VPS13B: variants seen among roughly 807,000 people sequenced by gnomAD.
VPS13B encodes the protein vacuolar protein sorting 13 homolog B, also known as intermembrane lipid transfer protein VPS13B.
VPS13B carries 285 observed loss-of-function variants against 426.4 expected under a neutral mutation model. The ratio of observed to expected loss-of-function variants is 0.67; its 90% CI spans 0.61 to 0.74. The LOEUF (loss-of-function observed/expected upper bound fraction) is 0.74. Among genes scored for constraint, VPS13B ranks in the 30% least tolerant of loss-of-function variants. The pLI is 0.00. For missense variants in VPS13B, 4,537 were observed against 4,782.6 expected (o/e 0.95, Z 1.51); for synonymous variants, 1,676 against 1,676.4 (o/e 1.00, Z 0.01).
chr8:99,041,578 G>C (rs1842965432), intron 3 of VPS13B, among the ~76,000 whole-genome samples: 1 of 152,180 alleles, frequency 6.6e-6, no homozygotes, highest in Non-Finnish European at 1.5e-5. Context: ...TCTTGGCTGG[G>C]CATGGTGGCT....
chr8:99,461,190 A>G (rs1818812582), intron 23 of VPS13B, among the ~76,000 whole-genome samples: 1 of 151,986 alleles, frequency 6.6e-6, no homozygotes, highest in Non-Finnish European at 1.5e-5. Context: ...CCTGGAAATG[A>G]TTGCATTTCA....
intron 19 of VPS13B, among the ~76,000 whole-genome samples, chr8:99,344,730 T>C (rs1811443771): frequency 6.6e-6 from 1 of 151,234 alleles, no homozygotes; most frequent in Admixed American, 6.6e-5. Context: ...TTTTTCCAGT[T>C]AGTTTTTTTC....
chr8:99,192,858 T>A lies in VPS13B; in HGVS notation c.2334-18T>A. ...ATGCTATTTACTGTATTGCGATTCT[T>A]TCTGTTTTCTTGTGCAGGACCAAAA... On this transcript the variant is annotated intron_variant, in intron 16 of 61. Transcript: ENST00000357162. The A allele has an allele frequency of 1.2e-6, 2 of 1,611,820 alleles. No individual in the cohort carries two copies. Among genetic ancestry groups the A allele is most frequent in the Non-Finnish European group, 1.7e-6 (2 of 1,179,588 alleles).
At chr8:99,677,647 A>G (rs994364499) in intron 35 of VPS13B, among the ~76,000 whole-genome samples, 3 of 152,198 alleles carry the variant, frequency 2.0e-5, no homozygotes, top group Admixed American at 6.5e-5. Context: ...TAGACCTCAA[A>G]GAGTCATAGA....
At chr8:99,351,908 C>T (rs1188653037) in intron 19 of VPS13B, among the ~76,000 whole-genome samples, 1 of 151,782 alleles carries the variant, frequency 6.6e-6, no homozygotes, top group East Asian at 1.9e-4. Flanking sequence ...TCTTAATATC[C>T]AGAAGGGAAA....
chr8:99,646,823 C>T (rs1183397236), intron 34 of VPS13B, among the ~76,000 whole-genome samples: 2 of 152,066 alleles, frequency 1.3e-5, no homozygotes, highest in East Asian at 3.9e-4. Flanking sequence ...CTACCTTGCT[C>T]CCTCTCTCCC....
intron 21 of VPS13B, among the ~76,000 whole-genome samples, chr8:99,411,450 T>C (rs891724088): frequency 6.6e-6 from 1 of 152,228 alleles, no homozygotes; most frequent in Non-Finnish European, 1.5e-5. Flanking sequence ...TCTTTGTAAA[T>C]TCTGGATATT....
Position 99,779,048 on chromosome 8 carries a change from A to G in VPS13B, c.7779+17A>G. On this transcript the variant is annotated intron_variant, in intron 42 of 61. Transcript: ENST00000357162. The stretch of plus-strand genomic sequence containing the variant: ...TGGCAACAGGTATGCACATTCCATA[A>G]CAGTTTACAGTTTGGCCACATATGA... 6.2e-7 allele frequency: 1 copy of G among 1,605,300 alleles called. No individual in the cohort carries two copies. The highest frequency in any genetic ancestry group is 2.2e-5 in the East Asian group (1 of 44,742).
At chr8:99,201,729 G>A (rs1814338226) in intron 17 of VPS13B, among the ~76,000 whole-genome samples, 1 of 152,138 alleles carries the variant, frequency 6.6e-6, no homozygotes, top group African/African-American at 2.4e-5. Flanking sequence ...ATTTGATTTT[G>A]TGCATTGAAT....
At chr8:99,670,534 C>T (rs1471628801) in intron 35 of VPS13B, among the ~76,000 whole-genome samples, 1 of 151,924 alleles carries the variant, frequency 6.6e-6, no homozygotes, top group African/African-American at 2.4e-5. Flanking sequence ...GTATATAATA[C>T]AGTAGTATTT....
intron 43 of VPS13B, 103 bp downstream of exon 43, chr8:99,784,579 A>G: frequency 9.5e-6 from 14 of 1,476,520 alleles, no homozygotes; most frequent in Non-Finnish European, 1.2e-5. Flanking sequence ...AAGTCTCCGA[A>G]GGAACCACAC....
chr8:99,484,885 CTTAGT>C (rs1040078296), intron 25 of VPS13B, among the ~76,000 whole-genome samples: 7 of 150,754 alleles, frequency 4.6e-5, no homozygotes, highest in Non-Finnish European at 1.0e-4. Flanking sequence ...TTGTAAAATA[CTTAGT>C]TTAGTGAGTA....
At chr8:99,554,746 T>C (rs1824463793) in intron 30 of VPS13B, among the ~76,000 whole-genome samples, 1 of 151,932 alleles carries the variant, frequency 6.6e-6, no homozygotes, top group Non-Finnish European at 1.5e-5. Flanking sequence ...ATTAACAAAA[T>C]TACACCAATA....
At chr8:99,216,568 G>A (rs913580951) in intron 17 of VPS13B, among the ~76,000 whole-genome samples, 22 of 151,594 alleles carry the variant, frequency 1.5e-4, no homozygotes, top group African/African-American at 5.3e-4. Flanking sequence ...GAAAAGGAGG[G>A]AAAGAGATTA....
intron 36 of VPS13B, among the ~76,000 whole-genome samples, chr8:99,704,025 G>A (rs891347705): frequency 6.6e-6 from 1 of 152,216 alleles, no homozygotes; most frequent in East Asian, 1.9e-4. Flanking sequence ...ATCTTGGTTG[G>A]CATTTTAGTC....
chr8:99,866,339 T>C (rs1216616864), intron 58 of VPS13B, among the ~76,000 whole-genome samples: 1 of 152,208 alleles, frequency 6.6e-6, no homozygotes, highest in East Asian at 1.9e-4. Flanking sequence ...TCTCTTAGCC[T>C]CTCTGTTCTC....
chr8:99,854,048 C>G lies in VPS13B; in HGVS notation c.10659C>G (p.Ala3553=). The change falls in exon 56 of 62, where the codon GCC becomes GCG. Residue 3553 remains alanine, a synonymous_variant. Transcript: ENST00000357162. ...TGCAGGTCACACAGCACGCCAGGGC[C>G]TTGGTGAATCCTGTGAAGTTACGGA... ...LPMQVTQHAR[A]LVNPVKLRKL... The G allele has an allele frequency of 1.9e-6, 3 of 1,614,054 alleles. No homozygotes were observed. The highest frequency in any genetic ancestry group is 2.2e-5 in the South Asian group (2 of 91,070).
At chr8:99,856,156 C>A (rs867058938) in intron 56 of VPS13B, among the ~76,000 whole-genome samples, 23 of 152,304 alleles carry the variant, frequency 1.5e-4, no homozygotes, top group Middle Eastern at 6.8e-3. Flanking sequence ...TTTTAATGAG[C>A]TTTCACAAGA....
intron 15 of VPS13B, among the ~76,000 whole-genome samples, chr8:99,163,215 G>A (rs1251226379): frequency 2.0e-5 from 3 of 151,934 alleles, no homozygotes; most frequent in Admixed American, 6.6e-5. Flanking sequence ...ACAGAGTGAC[G>A]ATTGGTGCAT....
Sources: gnomAD v4.1 joint callset for allele counts (sites outside exome capture counted in the v4.1 genomes callset) on GRCh38, gnomAD v4.1.1 for gene constraint, MANE v1.5 for transcripts, NCBI Gene and HGNC (gene_info 2026-07-23, HGNC 2026-07-21) for gene names.